Variants in MICU1 observed in about 807,000 individuals in gnomAD.
MICU1 encodes calcium uptake protein 1, mitochondrial.
MICU1 carries 45 observed loss-of-function variants against 56.8 expected under a neutral mutation model. That is an observed-to-expected ratio of 0.79 (90% CI 0.62 to 1.02). The LOEUF (loss-of-function observed/expected upper bound fraction) is 1.02, where lower values mean the gene tolerates loss of function less well. MICU1 is among the 50% of genes least tolerant of loss of function. The pLI, the probability that MICU1 is intolerant of heterozygous loss-of-function variation, is 0.00. For synonymous variants in MICU1, 186 were observed against 195.1 expected, an observed-to-expected ratio of 0.95 and a Z score of 0.39; for missense variants, 504 against 587.1, an observed-to-expected ratio of 0.86 and a Z score of 1.46.
chr10:72,462,221 T>TC (rs1484805965), intron 8 of MICU1, among the ~76,000 whole-genome samples: 1 of 146,182 alleles, frequency 6.8e-6, no homozygotes, highest in Non-Finnish European at 1.5e-5. Context: ...TTTCTTTTCT[T>TC]TTTTTTTTTT....
intron 6 of MICU1, among the ~76,000 whole-genome samples, chr10:72,499,596 A>G (rs773954663): frequency 5.9e-5 from 9 of 152,202 alleles, no homozygotes; most frequent in Admixed American, 2.0e-4. Flanking sequence ...CTTATTCTTC[A>G]TAACATCAAT....
intron 1 of MICU1, among the ~76,000 whole-genome samples, chr10:72,611,031 G>A (rs1348025643): frequency 2.0e-5 from 3 of 152,168 alleles, no homozygotes; most frequent in Admixed American, 6.5e-5. Context: ...AAGGCCAGGC[G>A]CGGTGGCTCA....
chr10:72,505,106 T>G (rs913795400), intron 6 of MICU1, among the ~76,000 whole-genome samples: 4 of 151,860 alleles, frequency 2.6e-5, no homozygotes, highest in African/African-American at 9.7e-5. Context: ...CCTGAGTAGC[T>G]GGGATTACAG....
rs951319479 is a variant in MICU1 at position 72,475,034 on chromosome 10, T to C, written c.933+66A>G. 5.1e-6 allele frequency: 7 copies of C among 1,382,688 alleles called. No individual in the cohort carries two copies. In the African/African-American group the frequency reaches 1.0e-4, roughly 20 times the overall value. The allele number at this position is 1,382,688 out of a possible 1,614,324, so 85.7% of individuals were successfully genotyped here. On this transcript the variant is annotated intron_variant, in intron 8 of 11. Transcript: ENST00000361114. ...TGGAGGTAAATGGAAAGAATGCCTA[T>C]AGTACAGGCCCTCCTGCCCATCAGT...
At chr10:72,600,137 C>A (rs1039120230) in intron 1 of MICU1, among the ~76,000 whole-genome samples, 1 of 150,616 alleles carries the variant, frequency 6.6e-6, no homozygotes, top group Non-Finnish European at 1.5e-5. Flanking sequence ...ACCAAAAATA[C>A]AAAAATTAGC....
chr10:72,572,846 T>C (rs558489245), intron 1 of MICU1, among the ~76,000 whole-genome samples: 2 of 152,284 alleles, frequency 1.3e-5, no homozygotes, highest in African/African-American at 4.8e-5. Flanking sequence ...GCACTACTGA[T>C]GAACATGCAA....
chr10:72,584,892 A>G (rs1407277242), intron 1 of MICU1, among the ~76,000 whole-genome samples: 3 of 152,166 alleles, frequency 2.0e-5, no homozygotes, highest in African/African-American at 7.2e-5. Context: ...CTACAGGATG[A>G]AAAAATGAGC....
intron 5 of MICU1, among the ~76,000 whole-genome samples, chr10:72,514,626 C>T (rs1450481946): frequency 6.6e-6 from 1 of 152,126 alleles, no homozygotes; most frequent in African/African-American, 2.4e-5. Context: ...TCCTTAAATG[C>T]CTGGAGCGAA....
chr10:72,512,722 C>G (rs7074407), intron 5 of MICU1, among the ~76,000 whole-genome samples: 89,173 of 150,896 alleles, frequency 0.59, 27,489 homozygotes, highest in Non-Finnish European at 0.67. Context: ...TGTTTTGAGA[C>G]AGTGTCTCAC....
At chr10:72,552,426 A>G (rs1840056755) in intron 3 of MICU1, among the ~76,000 whole-genome samples, 1 of 152,252 alleles carries the variant, frequency 6.6e-6, no homozygotes, top group African/African-American at 2.4e-5. Context: ...AGTCAACAAT[A>G]AATATCTTAT....
intron 1 of MICU1, among the ~76,000 whole-genome samples, chr10:72,568,224 T>A (rs1191378099): frequency 1.3e-5 from 2 of 152,180 alleles, no homozygotes; most frequent in African/African-American, 2.4e-5. Flanking sequence ...TAAAAAAAAA[T>A]TCTTTTAATG....
In MICU1 at chr10:72,566,783, A is replaced by T; in HGVS notation, c.11T>A (p.Leu4Gln). MFR[L>Q]NSLSALAELA... ...TTCTGCCAAAGCAGAAAGTGAGTTC[A>T]GACGAAACATCCTGTGGACAATAAG... Residue 4 changes from leucine (L) to glutamine (Q), a missense_variant, in exon 2 of 12, where the codon CTG becomes CAG. By Grantham distance (113) the Leu-to-Gln change is moderately radical. Transcript: ENST00000361114. The T allele has an allele frequency of 6.2e-7, 1 of 1,610,722 alleles. No individual in the cohort carries two copies. The highest frequency in any genetic ancestry group is 1.1e-5 in the South Asian group (1 of 90,442).
At chr10:72,608,370 C>T (rs1014660044) in intron 1 of MICU1, among the ~76,000 whole-genome samples, 1 of 152,196 alleles carries the variant, frequency 6.6e-6, no homozygotes, top group African/African-American at 2.4e-5. Flanking sequence ...CCTCTCCTGG[C>T]CGAAATGCTT....
At chr10:72,586,002 T>TTTTTCTTTTTC (rs1841042872) in intron 1 of MICU1, among the ~76,000 whole-genome samples, 1 of 128,934 alleles carries the variant, frequency 7.8e-6, no homozygotes, top group Non-Finnish European at 1.6e-5. Flanking sequence ...TTATTTTTTC[T>TTTTTCTTTTTC]TTTTTTTTTT....
At chr10:72,382,708 A>G (rs964391253) in intron 10 of MICU1, among the ~76,000 whole-genome samples, 1 of 152,150 alleles carries the variant, frequency 6.6e-6, no homozygotes, top group Non-Finnish European at 1.5e-5. Context: ...TAGGAATTCA[A>G]GACCAGACTG....
chr10:72,477,047 C>A, intron 7 of MICU1, 127 bp downstream of exon 7: 1 of 578,996 alleles, frequency 1.7e-6, no homozygotes, highest in East Asian at 3.2e-5. Context: ...TGAGAAATGA[C>A]ATTTTAGGTA....
chr10:72,621,496 A>AAAT, intron 1 of MICU1, among the ~76,000 whole-genome samples: 1 of 152,224 alleles, frequency 6.6e-6, no homozygotes, highest in South Asian at 2.1e-4. Flanking sequence ...CCGTCTCAAA[A>AAAT]AATAATAATA....
chr10:72,424,899 A>T (rs781142640), intron 8 of MICU1, among the ~76,000 whole-genome samples: 1 of 152,220 alleles, frequency 6.6e-6, no homozygotes, highest in Non-Finnish European at 1.5e-5. Flanking sequence ...AGAAATCAAC[A>T]TCATCAATAT....
chr10:72,477,233 C>T lies in MICU1; in HGVS notation c.676G>A (p.Ala226Thr). The change falls in exon 7 of 12, where the codon GCC becomes ACC. Residue 226 changes from alanine to threonine, a missense_variant. Physicochemically the swap from Ala to Thr is moderately conservative, Grantham distance 58. Coordinates refer to ENST00000361114, the MANE Select transcript of MICU1 (RefSeq NM_001195518.2). ...CCATTCAAATCAAACATCTTGAAGG[C>T]AATTTCAAAATTTCTCTGAGGAGCT... is the stretch of plus-strand genomic sequence containing the variant. Reference protein sequence around the residue: ...LSTPQRNFEIAFKMFDLNGDG... With the variant: ...LSTPQRNFEITFKMFDLNGDG... 1.3e-6 allele frequency: 2 copies of T among 1,547,792 alleles called. No individual in the cohort carries two copies. The highest frequency in any genetic ancestry group is 1.7e-6 in the Non-Finnish European group (2 of 1,146,298).
Sources: allele counts gnomAD v4.1 joint callset (sites outside exome capture counted in the v4.1 genomes callset), GRCh38; gene constraint gnomAD v4.1.1; transcripts MANE v1.5; gene names NCBI Gene and HGNC (gene_info 2026-07-23, HGNC 2026-07-21).